Variants in TET3 observed in about 807,000 individuals in gnomAD.
TET3 encodes the protein tet methylcytosine dioxygenase 3.
A neutral mutation model predicts 141.4 loss-of-function variants in TET3; 19 were observed. The observed-to-expected ratio is 0.13, with a 90% CI of 0.09 to 0.20. TET3 has a LOEUF of 0.20. Among genes scored for constraint, TET3 ranks in the 10% least tolerant of loss-of-function variants. TET3 has a pLI of 1.00. For synonymous variants in TET3, 1,043 were observed against 980.9 expected, an observed-to-expected ratio of 1.06 and a Z score of -1.18; for missense variants, 1,874 against 2,356.9, an observed-to-expected ratio of 0.80 and a Z score of 4.24.
In TET3 at chr2:74,056,535, A is replaced by AG. The variant is rs869286136; in HGVS notation, c.2494+8131dup. 1.2e-4 allele frequency among the ~76,000 whole-genome samples: 18 copies of AG among 152,118 alleles called. No homozygotes were observed. In the East Asian group the frequency reaches 2.5e-3, roughly 21 times the overall value. ...GAGCTTTCTACCATGTATTTTAGAA[A>AG]GGGGGGGAAAAAAAGAACCACCTTC... is the stretch of plus-strand genomic sequence containing the variant. On this transcript the variant is annotated intron_variant, in intron 4 of 11. Transcript: ENST00000409262.
chr2:74,003,742 C>A (rs1344229967), intron 3 of TET3, among the ~76,000 whole-genome samples: 1 of 150,776 alleles, frequency 6.6e-6, no homozygotes, highest in African/African-American at 2.4e-5. Context: ...ATCCGGCGGG[C>A]GTCTGCTGTT....
At chr2:74,055,635 G>A (rs1160915896) in intron 4 of TET3, among the ~76,000 whole-genome samples, 2 of 152,142 alleles carry the variant, frequency 1.3e-5, no homozygotes, top group African/African-American at 4.8e-5. Context: ...TGAGTTCTGT[G>A]GTTTGAATGT....
rs367997736 is a variant in TET3 at position 74,088,064 on chromosome 2, A to G, written c.2888+26A>G. ...GTATGTAGCAGAGGGCTTCAGGGCC[A>G]GGGCCCACCTATAGGGTCCTGGGCA... On this transcript the variant is annotated intron_variant, in intron 7 of 11. Coordinates refer to ENST00000409262, the MANE Select transcript of TET3 (RefSeq NM_001287491.2). 9.5e-5 allele frequency: 148 copies of G among 1,550,022 alleles called. No homozygotes were observed. In the African/African-American group the frequency reaches 1.9e-3, roughly 20 times the overall value.
chr2:74,090,329 A>G (rs546667159), intron 8 of TET3, among the ~76,000 whole-genome samples: 1 of 152,306 alleles, frequency 6.6e-6, no homozygotes, highest in East Asian at 1.9e-4. Flanking sequence ...TACATATTCA[A>G]ATCGCTTGTC....
intron 4 of TET3, among the ~76,000 whole-genome samples, chr2:74,073,132 C>A (rs529179668): frequency 1.3e-5 from 2 of 152,284 alleles, no homozygotes; most frequent in East Asian, 3.9e-4. Flanking sequence ...TTTCACTTAA[C>A]AAAATGTTTT....
At chr2:74,002,971 A>G (rs1684943054) in intron 2 of TET3, 139 bp from the exon 3 acceptor site, 2 of 844,700 alleles carry the variant, frequency 2.4e-6, no homozygotes, top group South Asian at 3.2e-5. Flanking sequence ...AGATGGTCCC[A>G]GATAGCCTTT....
chr2:74,002,711 C>G, intron 2 of TET3: 1 of 438,044 alleles, frequency 2.3e-6, no homozygotes, highest in Non-Finnish European at 4.0e-6. Flanking sequence ...AGCTGGCCGC[C>G]GCCTCCTCTG....
intron 5 of TET3, 30 bp downstream of exon 5, chr2:74,073,669 A>G: frequency 3.2e-6 from 5 of 1,550,200 alleles, no homozygotes; most frequent in South Asian, 2.4e-5. Flanking sequence ...CCAAGGAGAA[A>G]TGGATGTGCT....
intron 6 of TET3, among the ~76,000 whole-genome samples, chr2:74,082,905 A>G (rs2104012089): frequency 6.6e-6 from 1 of 152,226 alleles, no homozygotes; most frequent in East Asian, 1.9e-4. Flanking sequence ...GCCACGGGTG[A>G]GTGCAGGCAT....
intron 6 of TET3, among the ~76,000 whole-genome samples, chr2:74,084,884 G>T (rs78707039): frequency 9.5e-4 from 145 of 152,086 alleles, no homozygotes; most frequent in African/African-American, 3.3e-3. Flanking sequence ...TTAGTGAGCT[G>T]AGATCGTGCC....
chr2:74,025,461 GTATTTTCAGTA>G (rs1379995106), intron 3 of TET3, among the ~76,000 whole-genome samples: 2 of 151,548 alleles, frequency 1.3e-5, no homozygotes, highest in Non-Finnish European at 2.9e-5. Context: ...CTAATTTTTT[GTATTTTCAGTA>G]GAGACGGGGT....
intron 7 of TET3, 75 bp downstream of exon 7, chr2:74,088,113 A>G (rs1690261516): frequency 1.4e-6 from 2 of 1,455,454 alleles, no homozygotes. Context: ...ACTGCAGGCA[A>G]CCCTGGGGAA....
At chr2:74,000,118 A>G (rs1262957107) in intron 2 of TET3, among the ~76,000 whole-genome samples, 2 of 152,076 alleles carry the variant, frequency 1.3e-5, no homozygotes, top group African/African-American at 4.8e-5. Context: ...CTGGTTGAGC[A>G]AGTCTGGGAG....
chr2:74,130,367 T>C, the TET3 span, among the ~76,000 whole-genome samples: 1 of 152,336 alleles, frequency 6.6e-6, no homozygotes, highest in Non-Finnish European at 1.5e-5. Flanking sequence ...AGGGTAGAGC[T>C]GACTCCTAGC....
intron 3 of TET3, among the ~76,000 whole-genome samples, chr2:74,013,371 A>T (rs1356559588): frequency 6.6e-6 from 1 of 152,162 alleles, no homozygotes; most frequent in Non-Finnish European, 1.5e-5. Flanking sequence ...TATGAATCAG[A>T]TTGACCTATA....
chr2:74,093,457 G>A lies in TET3; in HGVS notation c.3130-72G>A. On this transcript the variant is annotated intron_variant, in intron 9 of 11. Coordinates refer to ENST00000409262, the MANE Select transcript of TET3 (RefSeq NM_001287491.2). The surrounding 1 kb of genome is among the most constrained non-coding windows in gnomAD (Gnocchi z 4.2). Reference sequence around the variant, plus strand: ...TTAACATCCCTCCTTCCAAGACCTGGCCTCCCCAGGTGCAGAATCGGGGCC... The same window carrying A: ...TTAACATCCCTCCTTCCAAGACCTGACCTCCCCAGGTGCAGAATCGGGGCC... 1 of 1,482,412 alleles carries A rather than the reference G, an allele frequency of 6.7e-7. No homozygotes were observed. Among genetic ancestry groups the A allele is most frequent in the Non-Finnish European group, 9.0e-7 (1 of 1,109,206 alleles). 91.8% of individuals were successfully genotyped at this position (1,482,412 alleles called of 1,614,324 possible).
intron 4 of TET3, among the ~76,000 whole-genome samples, chr2:74,065,992 C>T (rs1453068576): frequency 2.6e-5 from 4 of 152,134 alleles, no homozygotes; most frequent in Non-Finnish European, 4.4e-5. Flanking sequence ...CTCCTGACCT[C>T]GTGATCCGCC....
chr2:73,987,969 C>T (rs1386525796), intron 2 of TET3, among the ~76,000 whole-genome samples: 1 of 152,184 alleles, frequency 6.6e-6, no homozygotes, highest in Non-Finnish European at 1.5e-5. Flanking sequence ...CATGGGGTTG[C>T]TGGATATTTC....
chr2:74,068,751 T>A (rs1045971147), intron 4 of TET3, among the ~76,000 whole-genome samples: 1 of 152,234 alleles, frequency 6.6e-6, no homozygotes, highest in African/African-American at 2.4e-5. Flanking sequence ...TATCAGACTT[T>A]TTGGTAGGGA....
Sources: gnomAD v4.1 joint callset for allele counts (sites outside exome capture counted in the v4.1 genomes callset) on GRCh38, gnomAD v4.1.1 for gene constraint, Gnocchi (gnomAD v3.1) non-coding constraint, MANE v1.5 for transcripts, NCBI Gene and HGNC (gene_info 2026-07-23, HGNC 2026-07-21) for gene names.